The following RGS6 variants were observed in gnomAD, a reference collection of about 807,000 sequenced individuals.
RGS6 encodes regulator of G-protein signaling 6.
In RGS6, 30 loss-of-function variants were observed where a neutral mutation model predicts 78.5. The observed-to-expected ratio is 0.38, with a 90% CI of 0.29 to 0.52. RGS6 has a LOEUF of 0.52. Ranked by LOEUF, RGS6 falls within the 20% of genes least tolerant of loss-of-function variation. RGS6 has a pLI of 0.85. For synonymous variants in RGS6, 206 were observed against 206.0 expected, an observed-to-expected ratio of 1.00 and a Z score of 0.00; for missense variants, 495 against 609.7, an observed-to-expected ratio of 0.81 and a Z score of 1.98.
chr14:71,947,440 C>A lies in RGS6; in HGVS notation c.-21+14499C>A, dbSNP rs185049984. On this transcript the variant is annotated intron_variant, in intron 1 of 17. Coordinates refer to ENST00000553525, the MANE Select transcript of RGS6 (RefSeq NM_001204424.2). ...CCGCTGCCTGCCATCTGCCTTAAAA[C>A]CCCCTCCCCCACTTAAAAAAAATCT... 8.5e-3 allele frequency among the ~76,000 whole-genome samples: 1,296 copies of A among 152,250 alleles called. 21 individuals carry two copies. Among genetic ancestry groups the A allele is most frequent in the African/African-American group, 0.03 (1,236 of 41,544 alleles).
chr14:72,279,664 T>C (rs558968084), intron 2 of RGS6, among the ~76,000 whole-genome samples: 1 of 152,142 alleles, frequency 6.6e-6, no homozygotes, highest in African/African-American at 2.4e-5. Context: ...GAAACTGATC[T>C]AGAAAGGGAT....
intron 2 of RGS6, among the ~76,000 whole-genome samples, chr14:72,189,511 A>G (rs760647248): frequency 6.6e-6 from 1 of 152,220 alleles, no homozygotes; most frequent in Non-Finnish European, 1.5e-5. Flanking sequence ...CACGAAGTTT[A>G]GGGAAGGGGC....
chr14:72,456,194 C>T (rs750059188), intron 4 of RGS6, among the ~76,000 whole-genome samples: 1 of 152,154 alleles, frequency 6.6e-6, no homozygotes, highest in Non-Finnish European at 1.5e-5. Context: ...TGGGAATAGT[C>T]TAAGGGGGGA....
intron 2 of RGS6, among the ~76,000 whole-genome samples, chr14:72,268,478 C>A (rs1373173979): frequency 2.0e-5 from 3 of 152,208 alleles, no homozygotes; most frequent in African/African-American, 7.2e-5. Context: ...GGAAATGGAA[C>A]AGCACCCCAC....
At chr14:71,944,726 A>G (rs1290298738) in intron 1 of RGS6, among the ~76,000 whole-genome samples, 1 of 152,206 alleles carries the variant, frequency 6.6e-6, no homozygotes, top group African/African-American at 2.4e-5. Flanking sequence ...AAGTTTTCAG[A>G]TGAAAGGTGT....
At chr14:72,503,825 A>G (rs898913840) in intron 13 of RGS6, among the ~76,000 whole-genome samples, 4 of 152,172 alleles carry the variant, frequency 2.6e-5, no homozygotes, top group Admixed American at 1.3e-4. Context: ...TGGCAGCATC[A>G]TCCCCACAGC....
At chr14:72,188,579 G>A (rs907522433) in intron 2 of RGS6, among the ~76,000 whole-genome samples, 18 of 152,086 alleles carry the variant, frequency 1.2e-4, no homozygotes, top group African/African-American at 7.2e-5. Context: ...TTCATTTTGG[G>A]TATTCCCTTC....
chr14:72,621,493 C>T, the RGS6 span, among the ~76,000 whole-genome samples: 1 of 152,186 alleles, frequency 6.6e-6, no homozygotes, highest in Non-Finnish European at 1.5e-5. Flanking sequence ...CTGTTGGAAT[C>T]CCCAGGGAGC....
intron 3 of RGS6, among the ~76,000 whole-genome samples, chr14:72,366,581 C>T (rs1005466218): frequency 1.3e-5 from 2 of 152,196 alleles, no homozygotes; most frequent in African/African-American, 4.8e-5. Context: ...TACAAACCAT[C>T]TCATCTTCCA....
At position 72,191,525 on chromosome 14, in the gene RGS6, TGAAG is replaced by T. The variant is rs2097325638; in HGVS notation, c.85-160565_85-160562del. ...GAGGCCTCACAATCACGGCAGAAGA[TGAAG>T]GAAGAGCAAAGGGACATCTTACATG... On this transcript the variant is annotated intron_variant, in intron 2 of 17. Transcript: ENST00000553525. 1.3e-5 allele frequency among the ~76,000 whole-genome samples: 2 copies of T among 152,172 alleles called. 1 individual carries two copies. The highest frequency in any genetic ancestry group is 4.1e-4 in the South Asian group (2 of 4,828).
intron 12 of RGS6, among the ~76,000 whole-genome samples, chr14:72,485,795 T>C (rs922441009): frequency 2.6e-5 from 4 of 152,174 alleles, no homozygotes; most frequent in Admixed American, 2.0e-4. Flanking sequence ...GCCAGGGCCT[T>C]CAGTGCCTCC....
At chr14:72,402,799 T>G (rs974212461) in intron 3 of RGS6, among the ~76,000 whole-genome samples, 51 of 139,770 alleles carry the variant, frequency 3.6e-4, no homozygotes, top group Admixed American at 3.4e-3. Flanking sequence ...GGTTTTTTTT[T>G]TTTTTTTTTT....
chr14:72,170,066 A>T, intron 2 of RGS6, among the ~76,000 whole-genome samples: 1 of 152,182 alleles, frequency 6.6e-6, no homozygotes, highest in East Asian at 1.9e-4. Context: ...TTGGTACATA[A>T]ACAGGAAGTC....
chr14:72,491,365 A>G (rs1184288206), intron 12 of RGS6, among the ~76,000 whole-genome samples: 1 of 152,228 alleles, frequency 6.6e-6, no homozygotes, highest in Non-Finnish European at 1.5e-5. Flanking sequence ...TGTGTCTAAT[A>G]AAAAGGAAAC....
chr14:71,992,224 A>G (rs1159204135), intron 2 of RGS6, among the ~76,000 whole-genome samples: 1 of 151,934 alleles, frequency 6.6e-6, no homozygotes, highest in African/African-American at 2.4e-5. Context: ...GTATAGACAG[A>G]GTTTTGCCAT....
At chr14:72,368,053 C>T (rs549445091) in intron 3 of RGS6, among the ~76,000 whole-genome samples, 1 of 152,270 alleles carries the variant, frequency 6.6e-6, no homozygotes, top group East Asian at 1.9e-4. Flanking sequence ...CTCAGTCTGT[C>T]TTCTGCTGTT....
chr14:72,396,756 T>G (rs1012649940), intron 3 of RGS6, among the ~76,000 whole-genome samples: 1 of 151,490 alleles, frequency 6.6e-6, no homozygotes, highest in Non-Finnish European at 1.5e-5. Context: ...TTCAGCTTTC[T>G]ACATATGTCT....
At chr14:72,246,778 C>A (rs929010337) in intron 2 of RGS6, among the ~76,000 whole-genome samples, 1 of 151,898 alleles carries the variant, frequency 6.6e-6, no homozygotes, top group Non-Finnish European at 1.5e-5. Context: ...GGCATGGTGG[C>A]GTCTGTAGTC....
chr14:72,505,235 T>A (rs2096784594), intron 13 of RGS6, among the ~76,000 whole-genome samples: 1 of 152,238 alleles, frequency 6.6e-6, no homozygotes, highest in Admixed American at 6.5e-5. Flanking sequence ...AAAAATACTA[T>A]AGACTGTGTG....
Sources: allele counts gnomAD v4.1 joint callset (sites outside exome capture counted in the v4.1 genomes callset), GRCh38; gene constraint gnomAD v4.1.1; transcripts MANE v1.5; gene names NCBI Gene and HGNC (gene_info 2026-07-23, HGNC 2026-07-21).